B3GALT1: variants seen among roughly 807,000 people sequenced by gnomAD.
B3GALT1 encodes the protein beta-1,3-galactosyltransferase 1.
In B3GALT1, 10 loss-of-function variants were observed where a neutral mutation model predicts 23.2. The observed-to-expected ratio is 0.43, with a 90% CI of 0.27 to 0.73. B3GALT1 has a LOEUF of 0.73. B3GALT1 is among the 30% of genes least tolerant of loss of function. The pLI, the probability that B3GALT1 is intolerant of heterozygous loss-of-function variation, is 0.21. For synonymous variants in B3GALT1, 156 were observed against 141.5 expected (o/e 1.10, Z -0.73); for missense variants, 299 against 405.4 (o/e 0.74, Z 2.25).
chr2:167,413,271 C>T (rs1201237196), intron 1 of B3GALT1, among the ~76,000 whole-genome samples: 2 of 151,890 alleles, frequency 1.3e-5, no homozygotes, highest in Non-Finnish European at 2.9e-5. Flanking sequence ...ATTTAATTGA[C>T]CTAATATATG....
chr2:167,556,951 A>C (rs1683863520), intron 2 of B3GALT1, among the ~76,000 whole-genome samples: 1 of 152,198 alleles, frequency 6.6e-6, no homozygotes, highest in Non-Finnish European at 1.5e-5. Flanking sequence ...AAAAGACTGG[A>C]GAAATAAGGA....
chr2:167,493,976 C>T (rs568364889), intron 2 of B3GALT1, among the ~76,000 whole-genome samples: 1 of 152,174 alleles, frequency 6.6e-6, no homozygotes, highest in African/African-American at 2.4e-5. Flanking sequence ...ATTTCTATCC[C>T]TTCAGTGTGG....
chr2:167,763,634 C>T (rs1342024014), intron 3 of B3GALT1, among the ~76,000 whole-genome samples: 2 of 137,678 alleles, frequency 1.5e-5, no homozygotes, highest in African/African-American at 2.7e-5. Flanking sequence ...GAGGTTGCAG[C>T]GACCCGAGAT....
At chr2:167,716,003 T>A in intron 3 of B3GALT1, 1 of 1,611,466 alleles carries the variant, frequency 6.2e-7, no homozygotes, top group Non-Finnish European at 8.5e-7. Context: ...CTGCCACAAT[T>A]CTGCGTAGCT....
chr2:167,670,420 A>T lies in B3GALT1; in HGVS notation c.-352+23454A>T, dbSNP rs574374446. ...GTAGAAGTCTTTCTCTCCCAAAACCAGTCAATAAAGACTGGTAGAGGTGAC... is the reference window on the plus strand; with the variant it reads ...GTAGAAGTCTTTCTCTCCCAAAACCTGTCAATAAAGACTGGTAGAGGTGAC... On this transcript the variant is annotated intron_variant, in intron 3 of 4. Transcript: ENST00000392690. Among the ~76,000 whole-genome samples, 280 of 152,360 alleles carry T rather than the reference A, an allele frequency of 1.8e-3. 1 individual carries two copies. Among genetic ancestry groups the T allele is most frequent in the African/African-American group, 6.2e-3 (258 of 41,584 alleles).
At chr2:167,520,069 A>C (rs967066905) in intron 2 of B3GALT1, among the ~76,000 whole-genome samples, 2 of 151,970 alleles carry the variant, frequency 1.3e-5, no homozygotes, top group Non-Finnish European at 2.9e-5. Context: ...AGAAAGAAAA[A>C]TATATTAATA....
chr2:167,632,247 G>C (rs2464037), intron 2 of B3GALT1, among the ~76,000 whole-genome samples: 1 of 151,690 alleles, frequency 6.6e-6, no homozygotes, highest in African/African-American at 2.4e-5. Context: ...TAGTGCTGCA[G>C]TAAACATACT....
chr2:167,839,100 C>T (rs79853990), intron 4 of B3GALT1, among the ~76,000 whole-genome samples: 4,029 of 152,130 alleles, frequency 0.026, 8 homozygotes, highest in East Asian at 0.067. Context: ...TGGAAGCATT[C>T]CCTTTGAAAA....
At chr2:167,602,798 C>G (rs1684898446) in intron 2 of B3GALT1, among the ~76,000 whole-genome samples, 1 of 152,040 alleles carries the variant, frequency 6.6e-6, no homozygotes, top group Non-Finnish European at 1.5e-5. Flanking sequence ...ATTGCCTTCA[C>G]AAAATCTTGA....
chr2:167,408,513 G>C (rs1698343713), intron 1 of B3GALT1, among the ~76,000 whole-genome samples: 1 of 152,122 alleles, frequency 6.6e-6, no homozygotes, highest in South Asian at 2.1e-4. Flanking sequence ...GGAACTGCTG[G>C]CCAGAGCAAT....
At chr2:167,473,403 C>A (rs943669325) in intron 1 of B3GALT1, among the ~76,000 whole-genome samples, 15 of 152,080 alleles carry the variant, frequency 9.9e-5, no homozygotes, top group African/African-American at 3.6e-4. Flanking sequence ...CAGAAAAAGT[C>A]TTAAAATTTA....
chr2:167,447,895 G>A (rs1295295842), intron 1 of B3GALT1, among the ~76,000 whole-genome samples: 2 of 152,070 alleles, frequency 1.3e-5, no homozygotes, highest in African/African-American at 2.4e-5. Flanking sequence ...GATGAACCTG[G>A]TACCTCAGTT....
At chr2:167,533,428 A>G (rs1462873927) in intron 2 of B3GALT1, among the ~76,000 whole-genome samples, 1 of 152,050 alleles carries the variant, frequency 6.6e-6, no homozygotes, top group Admixed American at 6.5e-5. Flanking sequence ...CTAATGTGGC[A>G]TATTATTTTT....
intron 1 of B3GALT1, among the ~76,000 whole-genome samples, chr2:167,335,824 C>T (rs932635353): frequency 1.3e-5 from 2 of 152,084 alleles, no homozygotes; most frequent in Admixed American, 6.6e-5. Context: ...CTTTTGCAGA[C>T]CTCCAATCTC....
At chr2:167,847,237 A>G (rs1285003938) in intron 4 of B3GALT1, among the ~76,000 whole-genome samples, 1 of 152,006 alleles carries the variant, frequency 6.6e-6, no homozygotes, top group Non-Finnish European at 1.5e-5. Flanking sequence ...GATTTAAACT[A>G]TACCTTGGAA....
chr2:167,431,670 G>T (rs928973833), intron 1 of B3GALT1, among the ~76,000 whole-genome samples: 1 of 152,160 alleles, frequency 6.6e-6, no homozygotes. Flanking sequence ...TGAAGGAGGT[G>T]CATGCATGCA....
intron 1 of B3GALT1, among the ~76,000 whole-genome samples, chr2:167,378,756 C>CT (rs1403339747): frequency 6.6e-6 from 1 of 151,886 alleles, no homozygotes; most frequent in African/African-American, 2.4e-5. Context: ...GATTTTCAAC[C>CT]TTGTCTTGGA....
intron 3 of B3GALT1, among the ~76,000 whole-genome samples, chr2:167,736,763 A>G (rs988172953): frequency 3.9e-5 from 6 of 152,088 alleles, no homozygotes; most frequent in African/African-American, 1.4e-4. Context: ...AAAAATATGT[A>G]TATGTATATA....
At chr2:167,567,162 GGA>G (rs796396530) in intron 2 of B3GALT1, among the ~76,000 whole-genome samples, 9 of 152,232 alleles carry the variant, frequency 5.9e-5, no homozygotes, top group African/African-American at 1.7e-4. Flanking sequence ...TTGAAGCTGA[GGA>G]GAGTGTGGCT....
Sources: gnomAD v4.1 joint callset for allele counts (sites outside exome capture counted in the v4.1 genomes callset) on GRCh38, gnomAD v4.1.1 for gene constraint, MANE v1.5 for transcripts, NCBI Gene and HGNC (gene_info 2026-07-23, HGNC 2026-07-21) for gene names.